The following PLEKHA1 variants were observed in gnomAD, a reference collection of about 807,000 sequenced individuals.
PLEKHA1 encodes the protein pleckstrin homology domain containing A1, also known as pleckstrin homology domain-containing family A member 1.
Under a neutral mutation model 52.0 loss-of-function variants are expected in PLEKHA1, and 34 were observed. The ratio of observed to expected loss-of-function variants is 0.65; its 90% CI spans 0.50 to 0.87. PLEKHA1 has a LOEUF of 0.87. PLEKHA1 is among the 40% of genes least tolerant of loss of function. The pLI is 0.00. For missense variants in PLEKHA1, 497 were observed against 504.2 expected (o/e 0.99, Z 0.14); for synonymous variants, 163 against 170.7 (o/e 0.95, Z 0.35).
intron 5 of PLEKHA1, among the ~76,000 whole-genome samples, chr10:122,411,526 C>A (rs887853903): frequency 6.6e-6 from 1 of 152,158 alleles, no homozygotes; most frequent in African/African-American, 2.4e-5. Flanking sequence ...GGTTTTAGAG[C>A]AGTGTTTCTC....
chr10:122,437,704 G>A, the PLEKHA1 span: 14 of 152,256 alleles, frequency 9.2e-5, no homozygotes, highest in Admixed American at 9.2e-4. Context: ...AGTACGTTGT[G>A]TCTTAGAAGC....
intron 1 of PLEKHA1, 175 bp downstream of exon 1, chr10:122,374,981 C>G (rs987660553): frequency 6.6e-6 from 1 of 151,896 alleles, no homozygotes; most frequent in Non-Finnish European, 1.5e-5. Flanking sequence ...GAGCCGGCGC[C>G]CCCTCTGCGC....
intron 1 of PLEKHA1, among the ~76,000 whole-genome samples, chr10:122,380,140 G>T (rs1337582343): frequency 1.3e-5 from 2 of 152,168 alleles, no homozygotes; most frequent in African/African-American, 2.4e-5. Flanking sequence ...TCTGGTAAAT[G>T]ATTCTTGTCT....
intron 11 of PLEKHA1, 51 bp downstream of exon 11, chr10:122,427,082 A>G (rs779697091): frequency 1.1e-5 from 16 of 1,504,430 alleles, no homozygotes; most frequent in Admixed American, 5.3e-5. Context: ...CCCCCATCCT[A>G]TCAAATTTCC....
At chr10:122,442,103 C>T in the PLEKHA1 span, 4 of 152,242 alleles carry the variant, frequency 2.6e-5, no homozygotes, top group Non-Finnish European at 5.9e-5. Flanking sequence ...CATAGCTTCC[C>T]TGTCTGTCCA....
At chr10:122,441,643 C>T in the PLEKHA1 span, 1 of 152,082 alleles carries the variant, frequency 6.6e-6, no homozygotes, top group African/African-American at 2.4e-5. Context: ...ATAAAGAACC[C>T]ACTGAAAGAG....
chr10:122,429,887 T>C lies in PLEKHA1; in HGVS notation c.1164T>C (p.Asp388=), dbSNP rs955227542. 33 of 1,614,020 alleles carry C rather than the reference T, an allele frequency of 2.0e-5. No individual in the cohort carries two copies. The South Asian group carries it at 3.1e-4, about 15-fold the overall frequency. ...PQSKNGPQEK[D]CDLVDLDDAS... ...GTAAAAATGGCCCTCAGGAAAAAGA[T>C]TGTGACCTAGTAGACTTGGACGATG... Residue 388 remains aspartate (D), a synonymous_variant, in exon 12 of 12, where the codon GAT becomes GAC. Coordinates refer to ENST00000368990, the MANE Select transcript of PLEKHA1 (RefSeq NM_001001974.4).
At chr10:122,388,949 G>C (rs1482086511) in intron 1 of PLEKHA1, among the ~76,000 whole-genome samples, 1 of 152,126 alleles carries the variant, frequency 6.6e-6, no homozygotes, top group Non-Finnish European at 1.5e-5. Context: ...TCCTTTTGCT[G>C]TTTCTGCCAT....
At chr10:122,376,410 C>T (rs1590151414) in intron 1 of PLEKHA1, among the ~76,000 whole-genome samples, 1 of 151,058 alleles carries the variant, frequency 6.6e-6, no homozygotes, top group African/African-American at 2.4e-5. Context: ...TTTATACTGC[C>T]GTAAACCTTA....
chr10:122,374,846 G>T, intron 1 of PLEKHA1, 40 bp downstream of exon 1: 1 of 152,992 alleles, frequency 6.5e-6, no homozygotes, highest in South Asian at 1.8e-4. Flanking sequence ...GCTGGAGCAG[G>T]GGTGGTGGAC....
chr10:122,389,476 G>T (rs561815263), intron 1 of PLEKHA1, among the ~76,000 whole-genome samples: 1 of 152,220 alleles, frequency 6.6e-6, no homozygotes, highest in Admixed American at 6.5e-5. Flanking sequence ...AAGGCAAGCG[G>T]ATCACCTGAG....
At position 122,426,976 on chromosome 10, in the gene PLEKHA1, A is replaced by T. The variant is rs755153770; in HGVS notation, c.845A>T (p.Lys282Ile). The T allele has an allele frequency of 1.2e-6, 2 of 1,614,056 alleles. No homozygotes were observed. The highest frequency in any genetic ancestry group is 1.7e-6 in the Non-Finnish European group (2 of 1,179,968). ...DSPEEMHSWIKAVSGAIVAQR... is the reference protein window; with the variant it reads ...DSPEEMHSWIIAVSGAIVAQR... ...CCTGAAGAGATGCACAGTTGGATTA[A>T]AGCAGTCTCTGGCGCCATTGTAGCA... The change falls in exon 11 of 12, where the codon AAA (lysine) becomes ATA (isoleucine). Residue 282 changes from lysine to isoleucine, a missense_variant. Physicochemically the swap from Lys to Ile is moderately radical, Grantham distance 102. Coordinates refer to ENST00000368990, the MANE Select transcript of PLEKHA1 (RefSeq NM_001001974.4).
intron 1 of PLEKHA1, chr10:122,392,975 G>C (rs2096797092): frequency 7.4e-6 from 3 of 405,944 alleles, no homozygotes; most frequent in Non-Finnish European, 8.7e-6. Flanking sequence ...CCATCACAGT[G>C]AATAAATAGT....
At chr10:122,416,545 TAAGA>T (rs1290938202) in intron 7 of PLEKHA1, among the ~76,000 whole-genome samples, 2 of 152,166 alleles carry the variant, frequency 1.3e-5, no homozygotes, top group East Asian at 1.9e-4. Context: ...GAGATGTAAA[TAAGA>T]AAGGTGTGTT....
intron 4 of PLEKHA1, among the ~76,000 whole-genome samples, chr10:122,404,053 A>G (rs1352788287): frequency 6.6e-6 from 1 of 152,202 alleles, no homozygotes; most frequent in Non-Finnish European, 1.5e-5. Flanking sequence ...AGTGAAGAAT[A>G]TTCTATACCA....
In PLEKHA1 at chr10:122,430,041, A is replaced by G. The variant is rs2097403347; in HGVS notation, c.*103A>G. ...GGGGGAAATGGTTTTTAGTGCGTATATTATACTGCCTCTTAGGTGTACTCT... is the reference window on the plus strand; with the variant it reads ...GGGGGAAATGGTTTTTAGTGCGTATGTTATACTGCCTCTTAGGTGTACTCT... On this transcript the variant is annotated 3_prime_UTR_variant, in exon 12 of 12. Coordinates refer to ENST00000368990, the MANE Select transcript of PLEKHA1 (RefSeq NM_001001974.4). 5 of 1,252,220 alleles carry G rather than the reference A, an allele frequency of 4.0e-6. No individual in the cohort carries two copies. Among genetic ancestry groups the G allele is most frequent in the South Asian group, 3.1e-5 (2 of 65,186 alleles). 77.6% of individuals were successfully genotyped at this position (1,252,220 alleles called of 1,614,324 possible).
intron 10 of PLEKHA1, 46 bp downstream of exon 10, chr10:122,425,005 T>C (rs2097317175): frequency 6.7e-7 from 1 of 1,499,176 alleles, no homozygotes; most frequent in African/African-American, 1.4e-5. Context: ...AAAAAGAAAT[T>C]AATAATATTA....
At chr10:122,381,091 C>T (rs1043014529) in intron 1 of PLEKHA1, among the ~76,000 whole-genome samples, 14 of 152,074 alleles carry the variant, frequency 9.2e-5, no homozygotes, top group Non-Finnish European at 1.5e-4. Context: ...AATATGTGTA[C>T]GTGTTTATTG....
chr10:122,394,105 T>TCTCA (rs71026019), intron 2 of PLEKHA1, among the ~76,000 whole-genome samples: 37,118 of 127,136 alleles, frequency 0.29, 6,293 homozygotes, highest in Non-Finnish European at 0.38. Context: ...TGAGATGGAG[T>TCTCA]CTCTTATCAC....
Sources: gnomAD v4.1 joint callset for allele counts (sites outside exome capture counted in the v4.1 genomes callset) on GRCh38, gnomAD v4.1.1 for gene constraint, MANE v1.5 for transcripts, NCBI Gene and HGNC (gene_info 2026-07-23, HGNC 2026-07-21) for gene names.